SLC35G2: variants seen among roughly 807,000 people sequenced by gnomAD.
SLC35G2 encodes transmembrane protein 22.
A neutral mutation model predicts 27.2 loss-of-function variants in SLC35G2; 20 were observed. That is an observed-to-expected ratio of 0.74 (90% CI 0.52 to 1.07). SLC35G2 has a LOEUF of 1.07. SLC35G2 is among the 50% of genes least tolerant of loss of function. The pLI is 0.00. For synonymous variants in SLC35G2, 148 were observed against 165.3 expected, an observed-to-expected ratio of 0.90 and a Z score of 0.80; for missense variants, 416 against 493.3, an observed-to-expected ratio of 0.84 and a Z score of 1.48.
rs756559912 is a variant in SLC35G2 at position 136,855,389 on chromosome 3, T to A, written c.929T>A (p.Ile310Asn). The change falls in exon 2 of 2, where the codon ATC becomes AAC. Residue 310 changes from isoleucine (I) to asparagine (N), a missense_variant. Ile to Asn is a moderately radical substitution (Grantham distance 149). Transcript: ENST00000446465. ...ISTMFILQEP[I>N]IPLDGETWSY... ...ACTATGTTTATTCTTCAAGAACCCA[T>A]CATCCCATTAGATGGAGAAACCTGG... 1 of 1,614,202 alleles carries A rather than the reference T, an allele frequency of 6.2e-7. No homozygotes were observed.
rs368756443 is a variant in SLC35G2, at chr3:136,828,286, T to G, written c.-19+8658T>G. On this transcript the variant is annotated intron_variant, in intron 1 of 1. Coordinates refer to ENST00000446465, the MANE Select transcript of SLC35G2 (RefSeq NM_025246.3). ...TCTATATTGCAGATTAACTCCAATGTTTCTTTGTTGATTTTCTGTCTGCAC... is the reference window on the plus strand; with the variant it reads ...TCTATATTGCAGATTAACTCCAATGGTTCTTTGTTGATTTTCTGTCTGCAC... Among the ~76,000 whole-genome samples, 34 of 152,356 alleles carry G rather than the reference T, an allele frequency of 2.2e-4. No homozygotes were observed. In the South Asian group the frequency reaches 7.0e-3, roughly 32 times the overall value.
chr3:136,835,381 AC>A (rs34043995), intron 1 of SLC35G2, among the ~76,000 whole-genome samples: 288 of 16,084 alleles, frequency 0.018, 3 homozygotes, highest in East Asian at 0.17. Context: ...TTCAGGTGAT[AC>A]ATTTTTTTTT....
intron 1 of SLC35G2, among the ~76,000 whole-genome samples, chr3:136,823,988 C>T (rs906336764): frequency 6.6e-6 from 1 of 152,054 alleles, no homozygotes; most frequent in African/African-American, 2.4e-5. Flanking sequence ...GTCCTTTCTC[C>T]AGTGTATGTT....
At chr3:136,849,242 G>A (rs1346893977) in intron 1 of SLC35G2, among the ~76,000 whole-genome samples, 4 of 151,024 alleles carry the variant, frequency 2.6e-5, no homozygotes, top group Non-Finnish European at 5.9e-5. Context: ...TGTACTCCCT[G>A]AACCTAAAAA....
intron 1 of SLC35G2, among the ~76,000 whole-genome samples, chr3:136,835,616 T>G (rs1936846777): frequency 6.6e-6 from 1 of 152,240 alleles, no homozygotes; most frequent in Non-Finnish European, 1.5e-5. Flanking sequence ...ACTTGCTTAT[T>G]TTATGATTCT....
rs182001734 is a variant in SLC35G2 at position 136,849,259 on chromosome 3, A to G, written c.-18-5184A>G. 3.1e-3 allele frequency among the ~76,000 whole-genome samples: 465 copies of G among 152,180 alleles called. 1 individual carries two copies. The highest frequency in any genetic ancestry group is 8.7e-3 in the African/African-American group (361 of 41,546). On this transcript the variant is annotated intron_variant, in intron 1 of 1. Transcript: ENST00000446465. ...TACTCCCTGAACCTAAAAAAAAATT[A>G]TGCAATTATAATAGTACCTAATTTT...
intron 1 of SLC35G2, among the ~76,000 whole-genome samples, chr3:136,828,322 A>G (rs1055659624): frequency 2.6e-5 from 4 of 152,312 alleles, no homozygotes; most frequent in Admixed American, 1.3e-4. Context: ...GATCTGTCCA[A>G]TGCTGAAAGT....
At position 136,855,508 on chromosome 3, in the gene SLC35G2, G is replaced by T; in HGVS notation, c.1048G>T (p.Val350Leu). The change falls in exon 2 of 2, where the codon GTA becomes TTA. Residue 350 changes from valine (V) to leucine (L), a missense_variant. Physicochemically the swap from Val to Leu is conservative, Grantham distance 32. Transcript: ENST00000446465. ...DKFHPALVST[V>L]QHLEIVVAMV... ...ATTCCATCCAGCTTTGGTTAGCACA[G>T]TACAACATTTGGAGATTGTGGTAGC... 1 of 1,614,136 alleles carries T rather than the reference G, an allele frequency of 6.2e-7. No homozygotes were observed. Among genetic ancestry groups the T allele is most frequent in the Non-Finnish European group, 8.5e-7 (1 of 1,179,984 alleles).
In SLC35G2 at chr3:136,855,416, G is replaced by A. The variant is rs1257570769; in HGVS notation, c.956G>A (p.Ser319Asn). ...PIIPLDGETW[S>N]YLIAICVCST... ...ATCCCATTAGATGGAGAAACCTGGA[G>A]TTATCTCATTGCTATATGTGTCTGT... Residue 319 changes from serine (S) to asparagine (N), a missense_variant, in exon 2 of 2, where the codon AGT becomes AAT. Coordinates refer to ENST00000446465, the MANE Select transcript of SLC35G2 (RefSeq NM_025246.3). The A allele has an allele frequency of 6.2e-7, 1 of 1,614,126 alleles. No homozygotes were observed.
chr3:136,844,475 C>T (rs1278261291), intron 1 of SLC35G2, among the ~76,000 whole-genome samples: 15 of 126,284 alleles, frequency 1.2e-4, no homozygotes, highest in East Asian at 4.7e-4. Flanking sequence ...GGAGACAGAG[C>T]GAGACTCCGT....
At chr3:136,833,380 G>A (rs1936783852) in intron 1 of SLC35G2, among the ~76,000 whole-genome samples, 1 of 152,180 alleles carries the variant, frequency 6.6e-6, no homozygotes, top group African/African-American at 2.4e-5. Context: ...CCAACTGGCT[G>A]TTTTGAGAAG....
At chr3:136,834,030 A>G (rs1018178105) in intron 1 of SLC35G2, among the ~76,000 whole-genome samples, 1 of 151,978 alleles carries the variant, frequency 6.6e-6, no homozygotes, top group Admixed American at 6.6e-5. Context: ...ATGTTAATAT[A>G]TGTATATATT....
In SLC35G2 at chr3:136,854,648, A is replaced by T; in HGVS notation, c.188A>T (p.Lys63Ile). 6.2e-7 allele frequency: 1 copy of T among 1,613,708 alleles called. No homozygotes were observed. The highest frequency in any genetic ancestry group is 1.7e-5 in the Admixed American group (1 of 59,900). ...AAAGGTCTGCTGAGTGAAATGAAAA[A>T]AAAAGGGAGAGCTTTCTTTGGAACC... is the stretch of plus-strand genomic sequence containing the variant. ...PKKGLLSEMKKKGRAFFGTMD... is the reference protein window; with the variant it reads ...PKKGLLSEMKIKGRAFFGTMD... The change falls in exon 2 of 2, where the codon AAA becomes ATA. Residue 63 changes from lysine to isoleucine, a missense_variant. By Grantham distance (102) the Lys-to-Ile change is moderately radical. Coordinates refer to ENST00000446465, the MANE Select transcript of SLC35G2 (RefSeq NM_025246.3).
chr3:136,855,841 CTA>C lies in SLC35G2; in HGVS notation c.*143_*144del. The C allele has an allele frequency of 1.6e-6, 1 of 615,048 alleles. No homozygotes were observed. Among genetic ancestry groups the C allele is most frequent in the Non-Finnish European group, 2.8e-6 (1 of 354,228 alleles). 38.1% of individuals were successfully genotyped at this position (615,048 alleles called of 1,614,324 possible). A position where few individuals can be genotyped will look rare whatever the true frequency, so the allele number is the denominator to read the frequency against. On this transcript the variant is annotated 3_prime_UTR_variant, in exon 2 of 2. Transcript: ENST00000446465. ...TATATACAAATGCAGAAAATTTATT[CTA>C]GTCTAATATATTCAAATACAAATAT... is the stretch of plus-strand genomic sequence containing the variant.
intron 1 of SLC35G2, among the ~76,000 whole-genome samples, chr3:136,837,143 A>AACAC (rs35792092): frequency 1.2e-4 from 18 of 149,712 alleles, no homozygotes; most frequent in African/African-American, 3.4e-4. Flanking sequence ...ACACACACAC[A>AACAC]ACACACACAC....
intron 1 of SLC35G2, among the ~76,000 whole-genome samples, chr3:136,851,088 T>C (rs1400666909): frequency 1.3e-5 from 2 of 152,096 alleles, no homozygotes; most frequent in Non-Finnish European, 2.9e-5. Flanking sequence ...TTACAAAATA[T>C]TAGGTTAGAA....
chr3:136,853,093 G>A (rs1007411222), intron 1 of SLC35G2, among the ~76,000 whole-genome samples: 1 of 151,724 alleles, frequency 6.6e-6, no homozygotes, highest in Non-Finnish European at 1.5e-5. Context: ...AGTGGACATC[G>A]TTTTTGTTTT....
chr3:136,832,243 T>C (rs1936748370), intron 1 of SLC35G2, among the ~76,000 whole-genome samples: 1 of 152,214 alleles, frequency 6.6e-6, no homozygotes. Context: ...CTTGATCTTC[T>C]GACCTCGTGA....
At chr3:136,846,622 T>C (rs1937390820) in intron 1 of SLC35G2, 2 of 152,206 alleles carry the variant, frequency 1.3e-5, no homozygotes, top group South Asian at 4.1e-4. Context: ...GGCACTTTGA[T>C]CAGAATGACT....
Sources: gnomAD v4.1 joint callset for allele counts (sites outside exome capture counted in the v4.1 genomes callset) on GRCh38, gnomAD v4.1.1 for gene constraint, MANE v1.5 for transcripts, NCBI Gene and HGNC (gene_info 2026-07-23, HGNC 2026-07-21) for gene names.